The following JPH3 variants were observed in gnomAD, a reference collection of about 807,000 sequenced individuals.
The protein encoded by JPH3 is junctophilin 3.
In JPH3, 11 loss-of-function variants were observed where a neutral mutation model predicts 59.6. That is an observed-to-expected ratio of 0.18 (90% CI 0.12 to 0.31). The LOEUF (loss-of-function observed/expected upper bound fraction) is 0.31. Ranked by LOEUF, JPH3 falls within the 10% of genes least tolerant of loss-of-function variation. The pLI, the probability that JPH3 is intolerant of heterozygous loss-of-function variation, is 1.00. For synonymous variants in JPH3, 673 were observed against 483.6 expected, an observed-to-expected ratio of 1.39 and a Z score of -5.14; for missense variants, 1,202 against 1,105.7, an observed-to-expected ratio of 1.09 and a Z score of -1.24.
At chr16:87,631,580 C>T (rs991609577) in intron 1 of JPH3, among the ~76,000 whole-genome samples, 4 of 152,114 alleles carry the variant, frequency 2.6e-5, no homozygotes, top group African/African-American at 9.7e-5. Context: ...GGGTGTCTCT[C>T]CCCTCATTGT....
At chr16:87,651,889 C>T (rs2032334396) in intron 2 of JPH3, among the ~76,000 whole-genome samples, 1 of 152,210 alleles carries the variant, frequency 6.6e-6, no homozygotes, top group Admixed American at 6.5e-5. Flanking sequence ...TACCGTGAGT[C>T]AAATGCTATC....
rs1430328241 is a variant in JPH3, at chr16:87,697,314, G to A, written c.*654G>A. ...CACTGCCCCCGGCCTTCCATGAGAA[G>A]CCGACTCCCCACACCGAGTTTTAAA... On this transcript the variant is annotated 3_prime_UTR_variant, in exon 5 of 5. Coordinates refer to ENST00000284262, the MANE Select transcript of JPH3 (RefSeq NM_020655.4). The A allele has an allele frequency of 2.6e-5, 4 of 152,482 alleles. No individual in the cohort carries two copies. Among genetic ancestry groups the A allele is most frequent in the African/African-American group, 9.7e-5 (4 of 41,446 alleles). 9.4% of individuals were successfully genotyped at this position (152,482 alleles called of 1,614,324 possible). A position where few individuals can be genotyped will look rare whatever the true frequency, so the allele number is the denominator to read the frequency against.
chr16:87,629,080 G>A (rs960940128), intron 1 of JPH3, among the ~76,000 whole-genome samples: 9 of 152,110 alleles, frequency 5.9e-5, no homozygotes, highest in African/African-American at 1.9e-4. Flanking sequence ...GGGGGGCCCA[G>A]GTCTCCACCT....
intron 2 of JPH3, among the ~76,000 whole-genome samples, chr16:87,664,771 C>T (rs1044599616): frequency 1.3e-5 from 2 of 152,102 alleles, no homozygotes; most frequent in African/African-American, 4.8e-5. Context: ...GTGTATGACC[C>T]ACAGCTCACA....
chr16:87,635,886 C>T (rs1381239690), intron 1 of JPH3, among the ~76,000 whole-genome samples: 4 of 152,242 alleles, frequency 2.6e-5, no homozygotes, highest in African/African-American at 9.6e-5. Flanking sequence ...CCACTGCAGC[C>T]ACACCCTCCT....
chr16:87,685,070 A>G (rs1456714894), intron 3 of JPH3, among the ~76,000 whole-genome samples: 1 of 152,158 alleles, frequency 6.6e-6, no homozygotes, highest in East Asian at 1.9e-4. Flanking sequence ...CTGACACCAC[A>G]GCCCTGAACT....
chr16:87,659,375 A>G lies in JPH3; in HGVS notation c.1160+14340A>G, dbSNP rs202220397. ...CTGGGTGACAGAGTAAGACTGTCTCAAAAAAAAAAAAGAAAAAAAAAAAGA... is the reference window on the plus strand; with the variant it reads ...CTGGGTGACAGAGTAAGACTGTCTCGAAAAAAAAAAAGAAAAAAAAAAAGA... On this transcript the variant is annotated intron_variant, in intron 2 of 4. Transcript: ENST00000284262. Among the ~76,000 whole-genome samples the G allele has an allele frequency of 4.6e-3, 199 of 42,814 alleles. 1 individual carries two copies. The highest frequency in any genetic ancestry group is 0.01 in the East Asian group (18 of 1,784). 28.1% of individuals were successfully genotyped at this position (42,814 alleles called of 152,430 possible). A position where few individuals can be genotyped will look rare whatever the true frequency, so the allele number is the denominator to read the frequency against.
At chr16:87,625,555 A>G (rs1208994004) in intron 1 of JPH3, among the ~76,000 whole-genome samples, 1 of 152,184 alleles carries the variant, frequency 6.6e-6, no homozygotes, top group African/African-American at 2.4e-5. Flanking sequence ...CCAAGGTCCC[A>G]AGAAGGAAGT....
At chr16:87,647,452 C>T (rs943629326) in intron 2 of JPH3, among the ~76,000 whole-genome samples, 17 of 152,114 alleles carry the variant, frequency 1.1e-4, no homozygotes, top group Non-Finnish European at 2.2e-4. Flanking sequence ...GTGAAACTGA[C>T]GGAGCCCACC....
At chr16:87,635,925 C>T (rs1259457802) in intron 1 of JPH3, among the ~76,000 whole-genome samples, 2 of 152,218 alleles carry the variant, frequency 1.3e-5, no homozygotes, top group Admixed American at 6.5e-5. Flanking sequence ...GCAGGGCACC[C>T]TGCGAACCCA....
At chr16:87,613,829 C>T (rs914678629) in intron 1 of JPH3, among the ~76,000 whole-genome samples, 7 of 152,166 alleles carry the variant, frequency 4.6e-5, no homozygotes, top group African/African-American at 7.2e-5. Flanking sequence ...TTATATCTTA[C>T]ATTCCTTAAG....
chr16:87,641,457 A>T (rs1195069152), intron 1 of JPH3, among the ~76,000 whole-genome samples: 5 of 152,144 alleles, frequency 3.3e-5, no homozygotes, highest in Non-Finnish European at 7.3e-5. Context: ...CCAGTGTGGG[A>T]TCCCAAACAT....
At chr16:87,659,319 C>T (rs1271554086) in intron 2 of JPH3, among the ~76,000 whole-genome samples, 1 of 139,960 alleles carries the variant, frequency 7.1e-6, no homozygotes, top group African/African-American at 2.8e-5. Context: ...GGAGGTTGCA[C>T]TGAGCCAAGA....
chr16:87,646,298 T>C (rs2032148145), intron 2 of JPH3, among the ~76,000 whole-genome samples: 1 of 152,234 alleles, frequency 6.6e-6, no homozygotes, highest in Non-Finnish European at 1.5e-5. Flanking sequence ...TGGCAGAATA[T>C]GTTGCTCGCG....
chr16:87,691,992 T>A (rs1009778784), intron 4 of JPH3, among the ~76,000 whole-genome samples: 5 of 152,096 alleles, frequency 3.3e-5, no homozygotes, highest in Non-Finnish European at 7.4e-5. Context: ...ATGCACAAGC[T>A]GGGGACAAGT....
chr16:87,646,722 G>C (rs947308439), intron 2 of JPH3, among the ~76,000 whole-genome samples: 5 of 152,188 alleles, frequency 3.3e-5, no homozygotes, highest in African/African-American at 1.2e-4. Flanking sequence ...GGGGCTGGGG[G>C]ACAGCGGCGT....
chr16:87,616,279 G>A (rs992831712), intron 1 of JPH3, among the ~76,000 whole-genome samples: 1 of 149,232 alleles, frequency 6.7e-6, no homozygotes, highest in African/African-American at 2.5e-5. Flanking sequence ...TATTGCCCAG[G>A]CGGGAGAGCA....
At chr16:87,688,702 G>C (rs972303999) in intron 3 of JPH3, among the ~76,000 whole-genome samples, 14 of 152,180 alleles carry the variant, frequency 9.2e-5, no homozygotes. Context: ...GCAGGACGGG[G>C]ATGCTGGGGG....
In JPH3 at chr16:87,630,760, C is replaced by T. The variant is rs182131219; in HGVS notation, c.383-13498C>T. 7.5e-3 allele frequency among the ~76,000 whole-genome samples: 1,144 copies of T among 152,200 alleles called. 38 individuals carry two copies. The highest frequency in any genetic ancestry group is 0.056 in the Admixed American group (851 of 15,274). Reference sequence around the variant, plus strand: ...CATGTTTTTAAGTGGGTGTGTTTGCCGCTTCCTGAGCTCATGGTCACTTTT... The same window carrying T: ...CATGTTTTTAAGTGGGTGTGTTTGCTGCTTCCTGAGCTCATGGTCACTTTT... On this transcript the variant is annotated intron_variant, in intron 1 of 4. Coordinates refer to ENST00000284262, the MANE Select transcript of JPH3 (RefSeq NM_020655.4).
Sources: allele counts gnomAD v4.1 joint callset (sites outside exome capture counted in the v4.1 genomes callset), GRCh38; gene constraint gnomAD v4.1.1; transcripts MANE v1.5; gene names NCBI Gene and HGNC (gene_info 2026-07-23, HGNC 2026-07-21).